The following OSTN variants were observed in gnomAD, a reference collection of about 807,000 sequenced individuals.
The protein encoded by OSTN is osteocrin.
In OSTN, 9 loss-of-function variants were observed where a neutral mutation model predicts 12.0. The observed-to-expected ratio is 0.75, with a 90% confidence interval of 0.45 to 1.30. The LOEUF is 1.30. OSTN is among the 50% of genes most tolerant of loss of function. The probability of loss-of-function intolerance (pLI) is 0.00; values close to 1 mark genes in which losing one functional copy is unlikely to be tolerated. For synonymous variants in OSTN, 59 were observed against 56.9 expected (o/e 1.04, Z -0.16); for missense variants, 148 against 152.3 (o/e 0.97, Z 0.15).
rs554603327 is a variant in OSTN at position 191,215,776 on chromosome 3, G to C, written c.103-2971G>C. On this transcript the variant is annotated intron_variant, in intron 2 of 4. Coordinates refer to ENST00000682035, the MANE Select transcript of OSTN (RefSeq NM_198184.2). ...CATGGTCTTGAGCAGCTCTGCCCCT[G>C]AGGCTTTGCAGGGTACAGCCCCACT... Among the ~76,000 whole-genome samples the C allele has an allele frequency of 1.5e-4, 23 of 152,318 alleles. No homozygotes were observed. In the South Asian group the frequency reaches 4.6e-3, roughly 30 times the overall value.
At chr3:191,212,692 C>T (rs1714491566) in intron 2 of OSTN, 58 bp downstream of exon 2, 1 of 699,060 alleles carries the variant, frequency 1.4e-6, no homozygotes, top group Admixed American at 3.3e-5. Context: ...TTATAAATGA[C>T]ATGTTTGTAT....
intron 3 of OSTN, among the ~76,000 whole-genome samples, chr3:191,225,230 T>C (rs1341532725): frequency 6.6e-6 from 1 of 152,100 alleles, no homozygotes; most frequent in East Asian, 1.9e-4. Flanking sequence ...AATGAATAAA[T>C]TGTTAGAAAA....
intron 1 of OSTN, among the ~76,000 whole-genome samples, chr3:191,204,956 A>G (rs1468716831): frequency 6.6e-6 from 1 of 152,166 alleles, no homozygotes; most frequent in Non-Finnish European, 1.5e-5. Flanking sequence ...TTAAAAACAT[A>G]ATATTTTCAA....
intron 1 of OSTN, among the ~76,000 whole-genome samples, chr3:191,205,546 G>A (rs982728969): frequency 1.2e-4 from 18 of 151,704 alleles, no homozygotes; most frequent in Middle Eastern, 3.4e-3. Context: ...TCAAAAATTC[G>A]TATTTTGTCT....
At chr3:191,207,231 T>TA (rs963341542) in intron 1 of OSTN, among the ~76,000 whole-genome samples, 18 of 152,272 alleles carry the variant, frequency 1.2e-4, no homozygotes, top group African/African-American at 4.3e-4. Context: ...CCAATCAAGG[T>TA]ATTAGGGTAA....
intron 1 of OSTN, among the ~76,000 whole-genome samples, chr3:191,199,621 A>C (rs1415396308): frequency 6.6e-6 from 1 of 152,134 alleles, no homozygotes; most frequent in Admixed American, 6.6e-5. Context: ...CTTTCCTCAA[A>C]ATTGTGTAAT....
In OSTN at chr3:191,214,448, A is replaced by AAC. The variant is rs1553818003; in HGVS notation, c.102+1815_102+1816insCA. 2.7e-5 allele frequency among the ~76,000 whole-genome samples: 4 copies of AAC among 150,514 alleles called. No homozygotes were observed. In the East Asian group the frequency reaches 6.0e-4, roughly 23 times the overall value. ...TGAGACTCCATCTCAAAAAAAAAAA[A>AAC]AAAAAAAAAAAAAACAGCAACAAAA... On this transcript the variant is annotated intron_variant, in intron 2 of 4. Transcript: ENST00000682035.
intron 1 of OSTN, among the ~76,000 whole-genome samples, chr3:191,203,669 A>G (rs1488593621): frequency 6.9e-6 from 1 of 145,654 alleles, no homozygotes; most frequent in Admixed American, 6.8e-5. Context: ...CACTGCATCC[A>G]TAAAAATATT....
At chr3:191,240,510 A>G (rs1476567563) in intron 3 of OSTN, among the ~76,000 whole-genome samples, 1 of 152,200 alleles carries the variant, frequency 6.6e-6, no homozygotes, top group Non-Finnish European at 1.5e-5. Context: ...ATGGTATTAG[A>G]TATCTATTGC....
chr3:191,249,729 A>G (rs1252603865), intron 3 of OSTN, among the ~76,000 whole-genome samples: 1 of 152,172 alleles, frequency 6.6e-6, no homozygotes, highest in African/African-American at 2.4e-5. Context: ...TCTCAAACTA[A>G]AGCACTTAGT....
intron 3 of OSTN, among the ~76,000 whole-genome samples, chr3:191,235,438 G>A (rs1715164637): frequency 6.6e-6 from 1 of 152,122 alleles, no homozygotes; most frequent in Admixed American, 6.5e-5. Flanking sequence ...CTCCAGAACT[G>A]GGGATGGAGA....
At chr3:191,233,212 A>G (rs866359859) in intron 3 of OSTN, among the ~76,000 whole-genome samples, 1 of 152,200 alleles carries the variant, frequency 6.6e-6, no homozygotes. Context: ...GGAAAACCCT[A>G]TATCAGGTCA....
chr3:191,224,378 G>GAAA (rs77662219), intron 3 of OSTN, among the ~76,000 whole-genome samples: 1 of 67,962 alleles, frequency 1.5e-5, no homozygotes, highest in Non-Finnish European at 3.1e-5. Context: ...CTCCATCTCA[G>GAAA]AAAAAAAAAA....
In OSTN at chr3:191,220,916, G is replaced by A. The variant is rs988879284; in HGVS notation, c.317+1955G>A. 4.6e-5 allele frequency among the ~76,000 whole-genome samples: 7 copies of A among 152,210 alleles called. No individual in the cohort carries two copies. The East Asian group carries it at 1.2e-3, about 25-fold the overall frequency. On this transcript the variant is annotated intron_variant, in intron 3 of 4. Transcript: ENST00000682035. ...AATTTACATTGAAACTTCACCACAT[G>A]ATATGGTTTGGCTGTGTCCCCATTG...
intron 3 of OSTN, among the ~76,000 whole-genome samples, chr3:191,234,853 A>G (rs531219598): frequency 1.3e-5 from 2 of 152,010 alleles, no homozygotes; most frequent in African/African-American, 2.4e-5. Context: ...TCCCCAAATT[A>G]TCTATTGCTT....
Position 191,262,848 on chromosome 3 carries a change from C to T in OSTN, c.*13-18C>T, listed in dbSNP as rs1310078387. 1 of 701,830 alleles carries T rather than the reference C, an allele frequency of 1.4e-6. No homozygotes were observed. The highest frequency in any genetic ancestry group is 2.0e-5 in the Admixed American group (1 of 49,996). The allele number at this position is 701,830 out of a possible 1,614,324, so 43.5% of individuals were successfully genotyped here. A position where few individuals can be genotyped will look rare whatever the true frequency, so the allele number is the denominator to read the frequency against. On this transcript the variant is annotated intron_variant, in intron 4 of 4. Coordinates refer to ENST00000682035, the MANE Select transcript of OSTN (RefSeq NM_198184.2). ...GAGTTCTCATTAGCTTTAACAATCTCAACTTTCGTTTTTGCAGATGCAACT... is the reference window on the plus strand; with the variant it reads ...GAGTTCTCATTAGCTTTAACAATCTTAACTTTCGTTTTTGCAGATGCAACT...
rs1179182538 is a variant in OSTN, at chr3:191,264,770, A to C, written c.*1917A>C. Reference sequence around the variant, plus strand: ...TTCTAATCCAATTGGGTTCTGCTTCATGCTTTGACAAAAGGTATTAAAACC... The same window carrying C: ...TTCTAATCCAATTGGGTTCTGCTTCCTGCTTTGACAAAAGGTATTAAAACC... On this transcript the variant is annotated 3_prime_UTR_variant, in exon 5 of 5. Transcript: ENST00000682035. 1 of 152,136 alleles carries C rather than the reference A, an allele frequency of 6.6e-6. No individual in the cohort carries two copies. Among genetic ancestry groups the C allele is most frequent in the East Asian group, 1.9e-4 (1 of 5,200 alleles). 9.4% of individuals were successfully genotyped at this position (152,136 alleles called of 1,614,324 possible). A position where few individuals can be genotyped will look rare whatever the true frequency, so the allele number is the denominator to read the frequency against.
intron 4 of OSTN, among the ~76,000 whole-genome samples, chr3:191,258,186 T>A (rs1299925236): frequency 6.6e-6 from 1 of 152,202 alleles, no homozygotes; most frequent in East Asian, 1.9e-4. Flanking sequence ...AGATTAAAAA[T>A]GAATGCCAAG....
chr3:191,200,996 A>G (rs1185038863), intron 1 of OSTN, among the ~76,000 whole-genome samples: 1 of 152,172 alleles, frequency 6.6e-6, no homozygotes, highest in Non-Finnish European at 1.5e-5. Context: ...GTGGGGATAC[A>G]ACAAGTAAGC....
Sources: gnomAD v4.1 joint callset for allele counts (sites outside exome capture counted in the v4.1 genomes callset) on GRCh38, gnomAD v4.1.1 for gene constraint, MANE v1.5 for transcripts, NCBI Gene and HGNC (gene_info 2026-07-23, HGNC 2026-07-21) for gene names.